The following TAB2 variants were observed in gnomAD, a reference collection of about 807,000 sequenced individuals.
TAB2 encodes TGF-beta activated kinase 1 (MAP3K7) binding protein 2, also known as TGF-beta-activated kinase 1 and MAP3K7-binding protein 2.
TAB2 carries 3 observed loss-of-function variants against 65.0 expected under a neutral mutation model. That is an observed-to-expected ratio of 0.05 (90% confidence interval 0.02 to 0.12). TAB2 has a LOEUF of 0.12. TAB2 is among the 10% of genes least tolerant of loss of function. TAB2 has a pLI of 1.00. For synonymous variants in TAB2, 298 were observed against 285.1 expected (o/e 1.05, Z -0.46); for missense variants, 623 against 840.3 (o/e 0.74, Z 3.20).
At position 149,287,322 on chromosome 6, in the gene TAB2, A is replaced by T. The variant is rs188961905; in HGVS notation, c.-121+68546A>T. 4.8e-3 allele frequency among the ~76,000 whole-genome samples: 737 copies of T among 152,316 alleles called. 5 individuals are homozygous for T. The highest frequency in any genetic ancestry group is 8.9e-3 in the Non-Finnish European group (608 of 68,026). On this transcript the variant is annotated intron_variant, in intron 1 of 1. Transcript: ENST00000606202. ...CTTTTATAATAGAGAAACAATAAGC[A>T]CTGTTTGAAAAACAAATAGATAAAG...
chr6:149,270,139 A>G (rs575193686), intron 1 of TAB2, among the ~76,000 whole-genome samples: 86 of 152,276 alleles, frequency 5.6e-4, no homozygotes, highest in South Asian at 1.4e-3. Context: ...AGCTATTCCA[A>G]TTCAGTGTTT....
intron 1 of TAB2, among the ~76,000 whole-genome samples, chr6:149,223,668 C>T (rs1777205090): frequency 6.6e-6 from 1 of 152,144 alleles, no homozygotes. Flanking sequence ...AGAGAGTTCT[C>T]ATGTTGTTTC....
upstream of TAB2, among the ~76,000 whole-genome samples, chr6:149,316,869 T>TG (rs1406541793): frequency 1.3e-5 from 2 of 152,040 alleles, no homozygotes; most frequent in East Asian, 3.9e-4. Context: ...TTGCCAGTTG[T>TG]GAGGCTCCCA....
intron 1 of TAB2, among the ~76,000 whole-genome samples, chr6:149,300,831 C>T (rs777859902): frequency 6.6e-5 from 10 of 152,188 alleles, no homozygotes; most frequent in Non-Finnish European, 1.2e-4. Context: ...AGCTTCAAGA[C>T]CTAAATCATG....
At chr6:149,243,143 C>T (rs1777633691) in intron 1 of TAB2, among the ~76,000 whole-genome samples, 1 of 152,160 alleles carries the variant, frequency 6.6e-6, no homozygotes, top group Admixed American at 6.5e-5. Context: ...GAAATCTGCT[C>T]GTATGCACCC....
intron 1 of TAB2, among the ~76,000 whole-genome samples, chr6:149,357,244 C>T (rs1780682183): frequency 6.6e-6 from 1 of 151,850 alleles, no homozygotes; most frequent in African/African-American, 2.4e-5. Flanking sequence ...GGTGAAGTCC[C>T]ATCTCTACTA....
At chr6:149,325,141 G>A (rs1017265305) in intron 1 of TAB2, among the ~76,000 whole-genome samples, 2 of 151,974 alleles carry the variant, frequency 1.3e-5, no homozygotes, top group Non-Finnish European at 2.9e-5. Context: ...AAAAGTTCTG[G>A]GCTTTAAAAC....
At chr6:149,397,491 G>T in intron 3 of TAB2, 113 bp from the exon 4 acceptor site, 8 of 1,169,674 alleles carry the variant, frequency 6.8e-6, no homozygotes, top group Non-Finnish European at 7.5e-6. Flanking sequence ...ACAATATTTT[G>T]TTTTAATGTA....
chr6:149,404,806 A>G (rs550707740), intron 6 of TAB2, among the ~76,000 whole-genome samples: 24 of 152,198 alleles, frequency 1.6e-4, no homozygotes, highest in Non-Finnish European at 3.2e-4. Context: ...TGAAACCATA[A>G]AACTCCTAGA....
chr6:149,399,041 T>C (rs1451034660), intron 5 of TAB2, 63 bp from the exon 6 acceptor site: 12 of 1,407,868 alleles, frequency 8.5e-6, no homozygotes, highest in Non-Finnish European at 1.2e-5. Flanking sequence ...AAATACTTGT[T>C]TTAAAAAGTA....
At chr6:149,407,091 A>G (rs758065090) in intron 6 of TAB2, among the ~76,000 whole-genome samples, 86 of 152,342 alleles carry the variant, frequency 5.6e-4, no homozygotes, top group Non-Finnish European at 1.1e-3. Context: ...TATAGCTGGA[A>G]TACAATGAAA....
intron 1 of TAB2, among the ~76,000 whole-genome samples, chr6:149,280,296 T>C (rs1167570755): frequency 6.6e-6 from 1 of 152,212 alleles, no homozygotes; most frequent in Non-Finnish European, 1.5e-5. Flanking sequence ...GGGATGCTCA[T>C]GCAGTGTGAG....
intron 1 of TAB2, among the ~76,000 whole-genome samples, chr6:149,221,909 T>C (rs2114621579): frequency 6.6e-6 from 1 of 152,330 alleles, no homozygotes; most frequent in South Asian, 2.1e-4. Flanking sequence ...CATAAATGTA[T>C]GTGTGATGGC....
chr6:149,335,409 C>T (rs908483538), intron 1 of TAB2, among the ~76,000 whole-genome samples: 4 of 151,936 alleles, frequency 2.6e-5, no homozygotes, highest in African/African-American at 9.7e-5. Context: ...CTCTGTCACC[C>T]AGGCTGGAGG....
intron 1 of TAB2, among the ~76,000 whole-genome samples, chr6:149,232,125 T>C (rs1296069724): frequency 1.1e-4 from 17 of 152,162 alleles, no homozygotes; most frequent in Non-Finnish European, 8.8e-5. Flanking sequence ...AGAAGAATGA[T>C]TGGGGAGGTG....
chr6:149,394,716 C>G (rs909093721), intron 3 of TAB2, among the ~76,000 whole-genome samples: 1 of 152,162 alleles, frequency 6.6e-6, no homozygotes, highest in African/African-American at 2.4e-5. Flanking sequence ...CTTTATGCTT[C>G]TTAGAGTAGT....
chr6:149,349,097 A>G (rs1456535395), intron 1 of TAB2, among the ~76,000 whole-genome samples: 1 of 152,086 alleles, frequency 6.6e-6, no homozygotes, highest in African/African-American at 2.4e-5. Context: ...GGAAGGGAGC[A>G]CAGGAAGAAT....
chr6:149,406,937 G>A (rs1782684101), intron 6 of TAB2, among the ~76,000 whole-genome samples: 1 of 152,136 alleles, frequency 6.6e-6, no homozygotes, highest in African/African-American at 2.4e-5. Flanking sequence ...AGCTGGTCTT[G>A]AACTCCTGAC....
intron 1 of TAB2, among the ~76,000 whole-genome samples, chr6:149,368,657 G>T (rs1781119515): frequency 6.6e-6 from 1 of 151,614 alleles, no homozygotes; most frequent in South Asian, 2.1e-4. Flanking sequence ...GTGTGTGTGT[G>T]TGTGTGTGTG....
Sources: gnomAD v4.1 joint callset for allele counts (sites outside exome capture counted in the v4.1 genomes callset) on GRCh38, gnomAD v4.1.1 for gene constraint, MANE v1.5 for transcripts, NCBI Gene and HGNC (gene_info 2026-07-23, HGNC 2026-07-21) for gene names.